USP53: variants seen among roughly 807,000 people sequenced by gnomAD.
USP53 encodes the protein ubiquitin specific peptidase 53.
In USP53, 71 loss-of-function variants were observed where a neutral mutation model predicts 94.9. The observed-to-expected ratio is 0.75, with a 90% CI of 0.62 to 0.91. USP53 has a LOEUF of 0.91. Ranked by LOEUF, USP53 falls within the 40% of genes least tolerant of loss-of-function variation. USP53 has a pLI of 0.00. For synonymous variants in USP53, 375 were observed against 422.7 expected, an observed-to-expected ratio of 0.89 and a Z score of 1.39; for missense variants, 1,173 against 1,281.0, an observed-to-expected ratio of 0.92 and a Z score of 1.29.
chr4:119,215,720 A>G (rs1743646622), intron 2 of USP53, among the ~76,000 whole-genome samples: 1 of 152,176 alleles, frequency 6.6e-6, no homozygotes, highest in Non-Finnish European at 1.5e-5. Flanking sequence ...CCATGATACA[A>G]GAAAAGGCTA....
In USP53 at chr4:119,293,957, G is replaced by C. The variant is rs530101470; in HGVS notation, c.*746G>C. On this transcript the variant is annotated 3_prime_UTR_variant, in exon 19 of 19. Coordinates refer to ENST00000692078, the MANE Select transcript of USP53 (RefSeq NM_001371395.1). ...AGAATTTTTGTCTTCAGAATATCTA[G>C]TTAAGATAAATTAGGCCTTTGACTA... The C allele has an allele frequency of 6.6e-6, 1 of 152,074 alleles. No homozygotes were observed. Among genetic ancestry groups the C allele is most frequent in the Admixed American group, 6.6e-5 (1 of 15,266 alleles). 9.4% of individuals were successfully genotyped at this position (152,074 alleles called of 1,614,324 possible). A position where few individuals can be genotyped will look rare whatever the true frequency, so the allele number is the denominator to read the frequency against.
At position 119,239,631 on chromosome 4, in the gene USP53, G is replaced by A; in HGVS notation, c.-129G>A. 2 of 1,110,854 alleles carry A rather than the reference G, an allele frequency of 1.8e-6. No individual in the cohort carries two copies. Among genetic ancestry groups the A allele is most frequent in the Middle Eastern group, 2.2e-4 (1 of 4,508 alleles). 68.8% of individuals were successfully genotyped at this position (1,110,854 alleles called of 1,614,324 possible). On this transcript the variant is annotated 5_prime_UTR_variant, in exon 5 of 19. Transcript: ENST00000692078. ...ATAACATCAGGAAAGATATGGACTT[G>A]GAAACTTACATTATTAAAATAGACT... is the stretch of plus-strand genomic sequence containing the variant.
At position 119,294,140 on chromosome 4, in the gene USP53, C is replaced by A. The variant is rs1578595113; in HGVS notation, c.*929C>A. 1 of 151,854 alleles carries A rather than the reference C, an allele frequency of 6.6e-6. No individual in the cohort carries two copies. The highest frequency in any genetic ancestry group is 2.1e-4 in the South Asian group (1 of 4,822). 9.4% of individuals were successfully genotyped at this position (151,854 alleles called of 1,614,324 possible). ...TGGTTTACTTTGGGCTGCTAACCAC[C>A]AGTGTTAGGAATTAATGTAGGGCAC... is the stretch of plus-strand genomic sequence containing the variant. On this transcript the variant is annotated 3_prime_UTR_variant, in exon 19 of 19. Coordinates refer to ENST00000692078, the MANE Select transcript of USP53 (RefSeq NM_001371395.1).
intron 18 of USP53, 145 bp downstream of exon 18, chr4:119,291,406 T>G (rs1323201974): frequency 6.1e-6 from 3 of 488,470 alleles, no homozygotes; most frequent in Non-Finnish European, 1.1e-5. Flanking sequence ...ACAATGTGGA[T>G]CTAAGGATAG....
chr4:119,261,637 A>T, intron 11 of USP53, 78 bp from the exon 12 acceptor site: 1 of 1,213,896 alleles, frequency 8.2e-7, no homozygotes, highest in Non-Finnish European at 1.1e-6. Flanking sequence ...TTATGTGTCA[A>T]AGACATGATT....
chr4:119,268,041 C>T (rs1335182751), intron 13 of USP53, among the ~76,000 whole-genome samples: 2 of 152,036 alleles, frequency 1.3e-5, no homozygotes, highest in African/African-American at 2.4e-5. Context: ...GTGGCGGGCG[C>T]CTGTAGTCCC....
intron 17 of USP53, among the ~76,000 whole-genome samples, chr4:119,281,860 G>A (rs2149460247): frequency 6.6e-6 from 1 of 152,228 alleles, no homozygotes; most frequent in African/African-American, 2.4e-5. Flanking sequence ...TAAGTGTACA[G>A]TTCAGTGGCA....
chr4:119,230,970 A>G (rs1336542282), intron 3 of USP53, among the ~76,000 whole-genome samples: 2 of 152,314 alleles, frequency 1.3e-5, no homozygotes, highest in African/African-American at 2.4e-5. Flanking sequence ...TCACTGTGGC[A>G]TATCTGCACA....
chr4:119,253,741 G>T (rs751180449), intron 7 of USP53, among the ~76,000 whole-genome samples: 7 of 152,160 alleles, frequency 4.6e-5, no homozygotes, highest in Non-Finnish European at 8.8e-5. Context: ...ATTGTTATGT[G>T]TGAATTTGAT....
At chr4:119,258,136 G>A (rs917651333) in intron 9 of USP53, among the ~76,000 whole-genome samples, 5 of 152,190 alleles carry the variant, frequency 3.3e-5, no homozygotes, top group African/African-American at 9.6e-5. Context: ...TTTTGTTGAT[G>A]AAGAAATAGG....
chr4:119,291,160 C>T lies in USP53; in HGVS notation c.2252-5C>T. The T allele has an allele frequency of 1.4e-6, 2 of 1,459,206 alleles. No individual in the cohort carries two copies. Among genetic ancestry groups the T allele is most frequent in the Non-Finnish European group, 1.9e-6 (2 of 1,070,992 alleles). The allele number at this position is 1,459,206 out of a possible 1,614,324, so 90.4% of individuals were successfully genotyped here. ...ATCTCTTCTCCCCACCCCACCCAACCCTAGGCTTTAGAAAAGAACTCAGGA... is the reference window on the plus strand; with the variant it reads ...ATCTCTTCTCCCCACCCCACCCAACTCTAGGCTTTAGAAAAGAACTCAGGA... On this transcript the variant is annotated splice_region_variant and splice_polypyrimidine_tract_variant and intron_variant, in intron 17 of 18. Coordinates refer to ENST00000692078, the MANE Select transcript of USP53 (RefSeq NM_001371395.1).
At chr4:119,266,211 TTG>T (rs547332102) in intron 12 of USP53, 443 of 449,566 alleles carry the variant, frequency 9.9e-4, no homozygotes, top group African/African-American at 6.8e-3. Flanking sequence ...TTTATTTTTA[TTG>T]TGTGTTTTAT....
At chr4:119,267,061 A>G (rs1313281920) in intron 12 of USP53, among the ~76,000 whole-genome samples, 1 of 152,216 alleles carries the variant, frequency 6.6e-6, no homozygotes, top group African/African-American at 2.4e-5. Context: ...AGTCAACCAC[A>G]TATTTGGAAA....
intron 17 of USP53, 88 bp downstream of exon 17, chr4:119,273,796 C>A (rs1338678966): frequency 2.6e-5 from 26 of 996,676 alleles, no homozygotes; most frequent in Non-Finnish European, 3.5e-5. Flanking sequence ...AGAGAAAATC[C>A]TATATGACTA....
At chr4:119,286,141 A>G (rs1161341614) in intron 17 of USP53, among the ~76,000 whole-genome samples, 1 of 151,826 alleles carries the variant, frequency 6.6e-6, no homozygotes, top group Non-Finnish European at 1.5e-5. Context: ...ATTTTTCTAA[A>G]ATATTCAAAT....
chr4:119,258,337 G>A (rs2149379503), intron 9 of USP53, among the ~76,000 whole-genome samples: 1 of 152,226 alleles, frequency 6.6e-6, no homozygotes, highest in Middle Eastern at 3.4e-3. Flanking sequence ...GGTACATTTA[G>A]TTGTTACCAA....
intron 2 of USP53, among the ~76,000 whole-genome samples, chr4:119,217,025 A>G (rs1318016773): frequency 2.0e-5 from 3 of 152,130 alleles, no homozygotes; most frequent in Non-Finnish European, 4.4e-5. Context: ...TAGCCCTATG[A>G]TTTTGATTAT....
In USP53 at chr4:119,252,775, GT is replaced by G. The variant is rs747302005; in HGVS notation, c.373-3466del. Reference sequence around the variant, plus strand: ...CCTAGTTATTTCTTGTCTTCTGCTAGTTTTTGAATTTATTTGCTCTTGCTTC... The same window carrying G: ...CCTAGTTATTTCTTGTCTTCTGCTAGTTTTGAATTTATTTGCTCTTGCTTC... On this transcript the variant is annotated intron_variant, in intron 7 of 18. Coordinates refer to ENST00000692078, the MANE Select transcript of USP53 (RefSeq NM_001371395.1). 2.0e-5 allele frequency among the ~76,000 whole-genome samples: 3 copies of G among 152,048 alleles called. No homozygotes were observed. The East Asian group carries it at 5.8e-4, about 29-fold the overall frequency.
chr4:119,230,558 T>C (rs1354091753), intron 3 of USP53, among the ~76,000 whole-genome samples: 1 of 152,176 alleles, frequency 6.6e-6, no homozygotes, highest in Non-Finnish European at 1.5e-5. Flanking sequence ...CAGATGCCCT[T>C]GTAGCTCTTG....
Sources: allele counts gnomAD v4.1 joint callset (sites outside exome capture counted in the v4.1 genomes callset), GRCh38; gene constraint gnomAD v4.1.1; transcripts MANE v1.5; gene names NCBI Gene and HGNC (gene_info 2026-07-23, HGNC 2026-07-21).